Variants in FZD3 observed in about 807,000 individuals in gnomAD.
FZD3 encodes the protein frizzled-3.
Under a neutral mutation model 60.7 loss-of-function variants are expected in FZD3, and 30 were observed. That is an observed-to-expected ratio of 0.49 (90% CI 0.37 to 0.67). FZD3 has a LOEUF of 0.67. Ranked by LOEUF, FZD3 falls within the 30% of genes least tolerant of loss-of-function variation. The pLI is 0.00. For missense variants in FZD3, 605 were observed against 838.7 expected (o/e 0.72, Z 3.44); for synonymous variants, 246 against 275.2 (o/e 0.89, Z 1.05).
intron 5 of FZD3, among the ~76,000 whole-genome samples, chr8:28,549,897 G>T (rs1805372051): frequency 1.3e-5 from 2 of 151,952 alleles, no homozygotes; most frequent in Non-Finnish European, 2.9e-5. Context: ...AACCATCTTT[G>T]CATTCCCCTG....
chr8:28,568,483 T>G lies in FZD3; in HGVS notation c.*5472T>G, dbSNP rs1326520852. 4 of 152,132 alleles carry G rather than the reference T, an allele frequency of 2.6e-5. No individual in the cohort carries two copies. The highest frequency in any genetic ancestry group is 2.1e-4 in the South Asian group (1 of 4,830). The allele number at this position is 152,132 out of a possible 1,614,324, so 9.4% of individuals were successfully genotyped here. ...ACTAATTTAATCTTAATCCTGTGCT[T>G]CTTTAGTCATCAAATTGATATAGGA... is the stretch of plus-strand genomic sequence containing the variant. On this transcript the variant is annotated 3_prime_UTR_variant, in exon 8 of 8. Coordinates refer to ENST00000240093, the MANE Select transcript of FZD3 (RefSeq NM_017412.4).
intron 1 of FZD3, among the ~76,000 whole-genome samples, chr8:28,498,528 A>T (rs1803906155): frequency 6.6e-6 from 1 of 152,212 alleles, no homozygotes; most frequent in Non-Finnish European, 1.5e-5. Flanking sequence ...ATAATTCATT[A>T]TGTTATTGAA....
chr8:28,535,248 A>C (rs748984960), intron 5 of FZD3, among the ~76,000 whole-genome samples: 7 of 152,148 alleles, frequency 4.6e-5, no homozygotes, highest in Non-Finnish European at 1.0e-4. Flanking sequence ...TCTAAATAAA[A>C]TTGTAGGTTT....
In FZD3 at chr8:28,562,809, G is replaced by A. The variant is rs1431546160; in HGVS notation, c.1799G>A (p.Cys600Tyr). 3 of 1,604,114 alleles carry A rather than the reference G, an allele frequency of 1.9e-6. 1 individual carries two copies. In the African/African-American group the frequency reaches 4.0e-5, roughly 21 times the overall value. Residue 600 changes from cysteine (C) to tyrosine (Y), a missense_variant, in exon 8 of 8, where the codon TGC (cysteine) becomes TAC (tyrosine). Physicochemically the swap from Cys to Tyr is radical, Grantham distance 194. Transcript: ENST00000240093. Reference sequence around the variant, plus strand: ...AACTCTCATGACAGGTACACGCCCTGCAGTTACAGAGGAATGGAGGAGAGA... The same window carrying A: ...AACTCTCATGACAGGTACACGCCCTACAGTTACAGAGGAATGGAGGAGAGA... ...HRSRDGRYTP[C>Y]SYRGMEERLP...
At chr8:28,510,986 G>A (rs549080956) in intron 3 of FZD3, among the ~76,000 whole-genome samples, 107 of 152,206 alleles carry the variant, frequency 7.0e-4, no homozygotes, top group African/African-American at 2.2e-3. Context: ...GCAGTGAGCC[G>A]AGATCATGCC....
intron 5 of FZD3, among the ~76,000 whole-genome samples, chr8:28,542,093 T>C (rs1284331924): frequency 4.0e-5 from 2 of 50,300 alleles, no homozygotes; most frequent in Non-Finnish European, 8.5e-5. Context: ...ATGAAATCCT[T>C]TTTTTTTTTT....
At chr8:28,538,681 T>C (rs1805082223) in intron 5 of FZD3, among the ~76,000 whole-genome samples, 1 of 152,140 alleles carries the variant, frequency 6.6e-6, no homozygotes, top group South Asian at 2.1e-4. Context: ...ACTAAGTTTA[T>C]ACTTTCTTCA....
At chr8:28,556,141 T>A (rs139477171) in intron 7 of FZD3, among the ~76,000 whole-genome samples, 170 bp downstream of exon 7, 124 of 152,282 alleles carry the variant, frequency 8.1e-4, no homozygotes, top group Admixed American at 1.8e-3. Flanking sequence ...GTCAGAATTG[T>A]TTAGATTTGA....
chr8:28,523,032 A>G (rs1804626392), intron 4 of FZD3, among the ~76,000 whole-genome samples: 1 of 151,802 alleles, frequency 6.6e-6, no homozygotes, highest in Admixed American at 6.6e-5. Context: ...AGCCTCCCAA[A>G]GTGCTGGGAT....
Position 28,563,076 on chromosome 8 carries a change from C to A in FZD3, c.*65C>A. 1.9e-6 allele frequency: 2 copies of A among 1,033,968 alleles called. No individual in the cohort carries two copies. The highest frequency in any genetic ancestry group is 2.6e-5 in the South Asian group (2 of 77,546). 64.0% of individuals were successfully genotyped at this position (1,033,968 alleles called of 1,614,324 possible). A position where few individuals can be genotyped will look rare whatever the true frequency, so the allele number is the denominator to read the frequency against. On this transcript the variant is annotated 3_prime_UTR_variant, in exon 8 of 8. Transcript: ENST00000240093. ...AGCAGATTTTATTCTTTGCCTTTTGCATGACTGATAGCTGTAACTCACAGT... is the reference window on the plus strand; with the variant it reads ...AGCAGATTTTATTCTTTGCCTTTTGAATGACTGATAGCTGTAACTCACAGT...
chr8:28,514,442 T>G (rs566148434), intron 3 of FZD3, among the ~76,000 whole-genome samples: 18 of 152,192 alleles, frequency 1.2e-4, no homozygotes, highest in Non-Finnish European at 2.2e-4. Flanking sequence ...GCATTCAGTT[T>G]GATGAGTTTT....
intron 5 of FZD3, among the ~76,000 whole-genome samples, chr8:28,532,049 T>C (rs1231423959): frequency 6.6e-6 from 1 of 152,210 alleles, no homozygotes; most frequent in Non-Finnish European, 1.5e-5. Context: ...ATTTTATTTT[T>C]CCATATGGAT....
intron 7 of FZD3, among the ~76,000 whole-genome samples, chr8:28,558,321 G>A (rs1805549747): frequency 6.6e-6 from 1 of 152,174 alleles, no homozygotes. Context: ...CTGATAAGGA[G>A]GGAGGGAATC....
chr8:28,516,981 C>T (rs1271204166), intron 3 of FZD3, among the ~76,000 whole-genome samples: 3 of 152,100 alleles, frequency 2.0e-5, no homozygotes, highest in Non-Finnish European at 1.5e-5. Context: ...GTTAATTTTA[C>T]ATGTATTTTA....
chr8:28,529,624 T>C (rs1804809936), intron 5 of FZD3, among the ~76,000 whole-genome samples: 1 of 152,202 alleles, frequency 6.6e-6, no homozygotes, highest in Non-Finnish European at 1.5e-5. Flanking sequence ...GATACATTTT[T>C]GATCACTGAG....
At chr8:28,505,517 A>AT (rs1170018866) in intron 3 of FZD3, among the ~76,000 whole-genome samples, 1 of 151,954 alleles carries the variant, frequency 6.6e-6, no homozygotes, top group East Asian at 1.9e-4. Flanking sequence ...CCCCTGGCTA[A>AT]TTTTTTTGTA....
rs1805821556 is a variant in FZD3, at chr8:28,572,301, A to G, written c.*9290A>G. ...TAATAGATATATTCAAGAAGGAACCAAACTTTAAAAGATCTTTTAGAATAG... is the reference window on the plus strand; with the variant it reads ...TAATAGATATATTCAAGAAGGAACCGAACTTTAAAAGATCTTTTAGAATAG... On this transcript the variant is annotated 3_prime_UTR_variant, in exon 8 of 8. Coordinates refer to ENST00000240093, the MANE Select transcript of FZD3 (RefSeq NM_017412.4). The G allele has an allele frequency of 6.6e-6, 1 of 152,182 alleles. No homozygotes were observed. The highest frequency in any genetic ancestry group is 2.4e-5 in the African/African-American group (1 of 41,452). The allele number at this position is 152,182 out of a possible 1,614,324, so 9.4% of individuals were successfully genotyped here.
At chr8:28,496,905 G>A (rs1312021882) in intron 1 of FZD3, among the ~76,000 whole-genome samples, 1 of 152,060 alleles carries the variant, frequency 6.6e-6, no homozygotes, top group African/African-American at 2.4e-5. Context: ...TGTTAAGAGG[G>A]GTGGAAAGCA....
At chr8:28,561,628 T>TAAAAA (rs1409623178) in intron 7 of FZD3, among the ~76,000 whole-genome samples, 14 of 152,002 alleles carry the variant, frequency 9.2e-5, no homozygotes, top group Non-Finnish European at 2.1e-4. Flanking sequence ...CTGCTATATT[T>TAAAAA]TATTTTTAGA....
Sources: gnomAD v4.1 joint callset for allele counts (sites outside exome capture counted in the v4.1 genomes callset) on GRCh38, gnomAD v4.1.1 for gene constraint, MANE v1.5 for transcripts, NCBI Gene and HGNC (gene_info 2026-07-23, HGNC 2026-07-21) for gene names.